The following LARS2 variants were observed in gnomAD, a reference collection of about 807,000 sequenced individuals.
The protein encoded by LARS2 is leucine--tRNA ligase, mitochondrial.
LARS2 carries 81 observed loss-of-function variants against 116.6 expected under a neutral mutation model. That is an observed-to-expected ratio of 0.69 (90% CI 0.58 to 0.84). The LOEUF is 0.84. Ranked by LOEUF, LARS2 falls within the 40% of genes least tolerant of loss-of-function variation. The pLI is 0.00. For synonymous variants in LARS2, 396 were observed against 407.2 expected, an observed-to-expected ratio of 0.97 and a Z score of 0.33; for missense variants, 968 against 1,114.5, an observed-to-expected ratio of 0.87 and a Z score of 1.87.
At chr3:45,536,781 C>G (rs774177819) in intron 20 of LARS2, among the ~76,000 whole-genome samples, 1 of 152,228 alleles carries the variant, frequency 6.6e-6, no homozygotes, top group Non-Finnish European at 1.5e-5. Context: ...AGCTGTCACT[C>G]AGTTGCTTCC....
intron 4 of LARS2, among the ~76,000 whole-genome samples, chr3:45,403,917 T>TA (rs1698194540): frequency 6.6e-6 from 1 of 152,228 alleles, no homozygotes; most frequent in South Asian, 2.1e-4. Context: ...AACATAGGGA[T>TA]AACAATACTT....
Position 45,541,830 on chromosome 3 carries a change from C to T in LARS2, c.2406C>T (p.Gly802=), listed in dbSNP as rs1209887331. ...APHVTSEIWA[G]LALVPRKLCA... ...CGCTTCTGTGCCTCGGCATTGCAGG[C>T]CTGGCGCTGGTGCCGAGGAAGCTCT... The change falls in exon 21 of 22, where the codon GGC becomes GGT. Residue 802 remains glycine, a splice_region_variant and synonymous_variant. Transcript: ENST00000645846. The T allele has an allele frequency of 6.2e-7, 1 of 1,614,094 alleles. No individual in the cohort carries two copies. Among genetic ancestry groups the T allele is most frequent in the Non-Finnish European group, 8.5e-7 (1 of 1,179,972 alleles).
rs148629123 is a variant in LARS2, at chr3:45,477,893, CTT to C, written c.1018+1268_1018+1269del. ...CATCCCAATTTCTCTCTGCTTAAGA[CTT>C]TGTTTACTTAGACCATTAAAGCCGG... On this transcript the variant is annotated intron_variant, in intron 10 of 21. Coordinates refer to ENST00000645846, the MANE Select transcript of LARS2 (RefSeq NM_015340.4). Among the ~76,000 whole-genome samples the C allele has an allele frequency of 9.9e-5, 15 of 152,274 alleles. No homozygotes were observed. The East Asian group carries it at 2.9e-3, about 29-fold the overall frequency.
Position 45,491,530 on chromosome 3 carries a change from C to G in LARS2, c.1253C>G (p.Thr418Ser). Residue 418 changes from threonine (T) to serine (S), a missense_variant, in exon 13 of 22, where the codon ACC becomes AGC. Thr to Ser is a moderately conservative substitution (Grantham distance 58, BLOSUM62 1). Coordinates refer to ENST00000645846, the MANE Select transcript of LARS2 (RefSeq NM_015340.4). Reference protein sequence around the residue: ...LSSSAEFTGMTRQDAFLALTQ... With the variant: ...LSSSAEFTGMSRQDAFLALTQ... ...TTTCCCTGTCAGTTCACAGGTATGA[C>G]CCGGCAGGATGCTTTTCTAGCCCTG... 6.2e-7 allele frequency: 1 copy of G among 1,614,058 alleles called. No individual in the cohort carries two copies. The highest frequency in any genetic ancestry group is 8.5e-7 in the Non-Finnish European group (1 of 1,179,986).
intron 4 of LARS2, among the ~76,000 whole-genome samples, chr3:45,402,063 G>A (rs1698163396): frequency 6.6e-6 from 1 of 152,310 alleles, no homozygotes; most frequent in South Asian, 2.1e-4. Flanking sequence ...AAACTGCCAG[G>A]ATTCAAATTC....
intron 14 of LARS2, among the ~76,000 whole-genome samples, chr3:45,496,786 C>G (rs1435740876): frequency 1.3e-5 from 2 of 152,272 alleles, no homozygotes; most frequent in Non-Finnish European, 2.9e-5. Context: ...TCCACAGATG[C>G]AGCAGCTGGA....
chr3:45,517,920 G>C lies in LARS2; in HGVS notation c.2062G>C (p.Val688Leu). The C allele has an allele frequency of 6.2e-7, 1 of 1,613,456 alleles. No individual in the cohort carries two copies. Among genetic ancestry groups the C allele is most frequent in the Non-Finnish European group, 8.5e-7 (1 of 1,179,758 alleles). ...GAATTCAGCTGATGCTCTCCCTGGG[G>C]TGCTGAGATGGCAACAACGACTGTG... ...WDVKTDALPG[V>L]LRWQQRLWTL... The change falls in exon 18 of 22, where the codon GTG (valine) becomes CTG (leucine). Residue 688 changes from valine to leucine, a missense_variant. Transcript: ENST00000645846.
chr3:45,419,584 G>C, intron 5 of LARS2, 85 bp from the exon 6 acceptor site: 1 of 1,006,756 alleles, frequency 9.9e-7, no homozygotes, highest in Non-Finnish European at 1.5e-6. Context: ...GACTTTTTCA[G>C]TTTCCCTTTA....
intron 9 of LARS2, among the ~76,000 whole-genome samples, 184 bp downstream of exon 9, chr3:45,474,534 A>G (rs529102408): frequency 2.0e-5 from 3 of 152,366 alleles, no homozygotes; most frequent in East Asian, 1.9e-4. Context: ...TTTCAATAAC[A>G]TATTTTATTT....
At chr3:45,442,525 AT>A (rs1698930498) in intron 6 of LARS2, among the ~76,000 whole-genome samples, 1 of 152,218 alleles carries the variant, frequency 6.6e-6, no homozygotes, top group African/African-American at 2.4e-5. Context: ...ATGATTTAAA[AT>A]TTAGGTAGTA....
chr3:45,440,903 T>A (rs1216845656), intron 6 of LARS2, among the ~76,000 whole-genome samples: 7 of 152,172 alleles, frequency 4.6e-5, no homozygotes, highest in Non-Finnish European at 1.0e-4. Flanking sequence ...AGAACACTAT[T>A]TTTTACCCCA....
rs1318513422 is a variant in LARS2, at chr3:45,394,587, G to T, written c.134G>T (p.Gly45Val). Residue 45 changes from glycine to valine, a missense_variant, in exon 3 of 22, where the codon GGA becomes GTA. Gly to Val is a moderately radical substitution (Grantham distance 109, BLOSUM62 -3). Transcript: ENST00000645846. ...ACCAGAAGCATCTACAGTGCCACGG[G>T]AAAGTGGACAAAAGAGTATACATTG... ...GCTRSIYSAT[G>V]KWTKEYTLQT... 6.2e-7 allele frequency: 1 copy of T among 1,614,172 alleles called. No individual in the cohort carries two copies. The highest frequency in any genetic ancestry group is 2.2e-5 in the East Asian group (1 of 44,886).
Position 45,518,066 on chromosome 3 carries a change from C to T in LARS2, c.2208C>T (p.Ile736=). The change falls in exon 18 of 22, where the codon ATC becomes ATT. Residue 736 remains isoleucine (I), a synonymous_variant. Coordinates refer to ENST00000645846, the MANE Select transcript of LARS2 (RefSeq NM_015340.4). The part of the protein sequence containing the change: ...RKLWEYKNSV[I]SQVTTHFTED... Reference sequence around the variant, plus strand: ...TCTGGGAGTACAAGAACTCCGTCATCTCTCAGGTCAGAAACTCTCCAATTC... The same window carrying T: ...TCTGGGAGTACAAGAACTCCGTCATTTCTCAGGTCAGAAACTCTCCAATTC... The T allele has an allele frequency of 6.2e-7, 1 of 1,611,362 alleles. No homozygotes were observed.
At chr3:45,488,674 T>A in intron 11 of LARS2, 23 bp from the exon 12 acceptor site, 2 of 1,453,466 alleles carry the variant, frequency 1.4e-6, no homozygotes, top group Non-Finnish European at 1.9e-6. Context: ...AGGAAATGTT[T>A]TCTTTTCTTC....
At chr3:45,450,532 C>A (rs906653631) in intron 7 of LARS2, among the ~76,000 whole-genome samples, 1 of 152,086 alleles carries the variant, frequency 6.6e-6, no homozygotes, top group Non-Finnish European at 1.5e-5. Flanking sequence ...CACATGGTAA[C>A]CTCCAGTTCC....
chr3:45,482,993 A>T (rs1699732029), intron 10 of LARS2, among the ~76,000 whole-genome samples: 1 of 152,204 alleles, frequency 6.6e-6, no homozygotes, highest in South Asian at 2.1e-4. Context: ...TGAGGCCGTG[A>T]CCTAGCAGTT....
intron 4 of LARS2, among the ~76,000 whole-genome samples, chr3:45,408,569 A>G (rs1698271856): frequency 6.6e-6 from 1 of 152,214 alleles, no homozygotes; most frequent in Non-Finnish European, 1.5e-5. Context: ...TCCTGGTAAC[A>G]TTGGAGGACA....
At chr3:45,526,966 G>A (rs1700539322) in intron 20 of LARS2, among the ~76,000 whole-genome samples, 2 of 152,188 alleles carry the variant, frequency 1.3e-5, no homozygotes, top group Admixed American at 1.3e-4. Flanking sequence ...CATGAACGTA[G>A]TTCCCAGCCA....
At chr3:45,474,118 G>A (rs1699574183) in intron 8 of LARS2, 125 bp from the exon 9 acceptor site, 1 of 549,656 alleles carries the variant, frequency 1.8e-6, no homozygotes. Flanking sequence ...TGAACAAGGA[G>A]AGAGCTAAAT....
Sources: gnomAD v4.1 joint callset for allele counts (sites outside exome capture counted in the v4.1 genomes callset) on GRCh38, gnomAD v4.1.1 for gene constraint, MANE v1.5 for transcripts, NCBI Gene and HGNC (gene_info 2026-07-23, HGNC 2026-07-21) for gene names.